The following TYMP variants were observed in gnomAD, a reference collection of about 807,000 sequenced individuals.
TYMP encodes gliostatin.
A neutral mutation model predicts 42.3 loss-of-function variants in TYMP; 46 were observed. The observed-to-expected ratio is 1.09, with a 90% CI of 0.86 to 1.39. The LOEUF (loss-of-function observed/expected upper bound fraction) is 1.39. TYMP is among the 40% of genes most tolerant of loss of function. The pLI is 0.00. For missense variants in TYMP, 837 were observed against 677.6 expected (o/e 1.24, Z -2.61); for synonymous variants, 363 against 308.0 (o/e 1.18, Z -1.87).
intron 6 of TYMP, 129 bp from the exon 7 acceptor site, chr22:50,526,867 G>A: frequency 1.0e-6 from 1 of 987,312 alleles, no homozygotes; most frequent in Non-Finnish European, 1.5e-6. Context: ...AAGGATTGGG[G>A]TGGGGAAGAG....
In TYMP at chr22:50,529,914, C is replaced by T. The variant is rs2069531183; in HGVS notation, c.-21G>A. 3 of 608,282 alleles carry T rather than the reference C, an allele frequency of 4.9e-6. No homozygotes were observed. The highest frequency in any genetic ancestry group is 3.0e-5 in the Admixed American group (1 of 33,826). 37.7% of individuals were successfully genotyped at this position (608,282 alleles called of 1,614,324 possible). Reference sequence around the variant, plus strand: ...GAGCCCCGCCCGTACCTGCTTAGGGCGCTGCCCTCGCCCGCTTGCTCCGGA... The same window carrying T: ...GAGCCCCGCCCGTACCTGCTTAGGGTGCTGCCCTCGCCCGCTTGCTCCGGA... On this transcript the variant is annotated 5_prime_UTR_variant, in exon 1 of 10. Transcript: ENST00000252029.
intron 7 of TYMP, 44 bp from the exon 8 acceptor site, chr22:50,526,520 C>T: frequency 6.5e-7 from 1 of 1,535,416 alleles, no homozygotes; most frequent in Non-Finnish European, 8.7e-7. Flanking sequence ...GTCGGGGCGG[C>T]CCCAGCGGGA....
chr22:50,528,973 G>A (rs1228840889), intron 3 of TYMP, 163 bp downstream of exon 3: 1 of 791,748 alleles, frequency 1.3e-6, no homozygotes, highest in Non-Finnish European at 2.1e-6. Flanking sequence ...CGCTGTGCTG[G>A]GGAACGGGGT....
intron 5 of TYMP, 72 bp from the exon 6 acceptor site, chr22:50,527,355 A>C: frequency 7.2e-7 from 1 of 1,396,956 alleles, no homozygotes; most frequent in Non-Finnish European, 1.0e-6. Context: ...GGGGATGCCG[A>C]CTTTGGGGTC....
chr22:50,527,147 A>G lies in TYMP; in HGVS notation c.765+18T>C, dbSNP rs1418726777. 5.6e-6 allele frequency: 9 copies of G among 1,600,858 alleles called. No homozygotes were observed. Among genetic ancestry groups the G allele is most frequent in the Non-Finnish European group, 7.7e-6 (9 of 1,170,104 alleles). On this transcript the variant is annotated intron_variant, in intron 6 of 9. Transcript: ENST00000252029. ...CCCGCATCAAGACGCTTGCCCAGGG[A>G]AAGGCCACACCGCTCACCAGCGTCT...
rs558294384 is a variant in TYMP at position 50,526,837 on chromosome 22, C to T, written c.766-99G>A. 6 of 1,282,276 alleles carry T rather than the reference C, an allele frequency of 4.7e-6. No individual in the cohort carries two copies. The Admixed American group carries it at 6.9e-5, about 15-fold the overall frequency. The allele number at this position is 1,282,276 out of a possible 1,614,324, so 79.4% of individuals were successfully genotyped here. A position where few individuals can be genotyped will look rare whatever the true frequency, so the allele number is the denominator to read the frequency against. Reference sequence around the variant, plus strand: ...CCCTGCTGCACCCTGGGTTGCCAGCCCCCCAGCATGAAGTCAGGGAAGGAT... The same window carrying T: ...CCCTGCTGCACCCTGGGTTGCCAGCTCCCCAGCATGAAGTCAGGGAAGGAT... On this transcript the variant is annotated intron_variant, in intron 6 of 9. Coordinates refer to ENST00000252029, the MANE Select transcript of TYMP (RefSeq NM_001953.5).
intron 3 of TYMP, 66 bp downstream of exon 3, chr22:50,529,070 C>A: frequency 6.5e-7 from 1 of 1,545,798 alleles, no homozygotes. Context: ...TGGGAGCTGC[C>A]TGTGGATGGA....
Position 50,528,583 on chromosome 22 carries a change from C to G in TYMP, c.445G>C (p.Gly149Arg). ...TTATCCAAGGTGCCTCCTGTGTGCC[C>G]CAGACCACGTCCGCTGATCATTGGC... ...KVPMISGRGL[G>R]HTGGTLDKLE... Residue 149 changes from glycine (G) to arginine (R), a missense_variant, in exon 4 of 10, where the codon GGG becomes CGG. Gly to Arg is a moderately radical substitution (Grantham distance 125). Transcript: ENST00000252029. 2 of 1,613,830 alleles carry G rather than the reference C, an allele frequency of 1.2e-6. No homozygotes were observed. The highest frequency in any genetic ancestry group is 1.7e-6 in the Non-Finnish European group (2 of 1,179,982).
At position 50,526,109 on chromosome 22, in the gene TYMP, C is replaced by G. The variant is rs1189525116; in HGVS notation, c.1192G>C (p.Ala398Pro). 1.3e-6 allele frequency: 2 copies of G among 1,489,242 alleles called. No homozygotes were observed. Among genetic ancestry groups the G allele is most frequent in the Admixed American group, 2.2e-5 (1 of 45,082 alleles). 92.3% of individuals were successfully genotyped at this position (1,489,242 alleles called of 1,614,324 possible). A position where few individuals can be genotyped will look rare whatever the true frequency, so the allele number is the denominator to read the frequency against. Residue 398 changes from alanine (A) to proline (P), a missense_variant, in exon 9 of 10, where the codon GCG becomes CCG. Coordinates refer to ENST00000252029, the MANE Select transcript of TYMP (RefSeq NM_001953.5). ...GCCCCGAGCTCGTGCAGCACCAGCG[C>G]CAGCGGCAGCGCCCGGACCAGCTCC... ...TVELVRALPL[A>P]LVLHELGAGR... is the part of the protein sequence containing the mutation.
At position 50,526,111 on chromosome 22, in the gene TYMP, A is replaced by C; in HGVS notation, c.1190T>G (p.Leu397Arg). 6.7e-7 allele frequency: 1 copy of C among 1,489,170 alleles called. No individual in the cohort carries two copies. The highest frequency in any genetic ancestry group is 8.9e-7 in the Non-Finnish European group (1 of 1,127,642). 92.2% of individuals were successfully genotyped at this position (1,489,170 alleles called of 1,614,324 possible). Residue 397 changes from leucine (L) to arginine (R), a missense_variant, in exon 9 of 10, where the codon CTG becomes CGG. Coordinates refer to ENST00000252029, the MANE Select transcript of TYMP (RefSeq NM_001953.5). ...CCCGAGCTCGTGCAGCACCAGCGCC[A>C]GCGGCAGCGCCCGGACCAGCTCCAC... ...GTVELVRALP[L>R]ALVLHELGAG... is the part of the protein sequence containing the mutation.
chr22:50,525,916 T>A lies in TYMP; in HGVS notation c.1303A>T (p.Thr435Ser). 3 of 1,526,194 alleles carry A rather than the reference T, an allele frequency of 2.0e-6. No individual in the cohort carries two copies. The highest frequency in any genetic ancestry group is 2.6e-6 in the Non-Finnish European group (3 of 1,139,352). 94.5% of individuals were successfully genotyped at this position (1,526,194 alleles called of 1,614,324 possible). A position where few individuals can be genotyped will look rare whatever the true frequency, so the allele number is the denominator to read the frequency against. ...TCCCGGTGCACGCGGAGCCAGGGGG[T>A]CCCTGCAGAGCGAGGGGCTGTTAGA... Reference protein sequence around the residue: ...VDVGQRLRRGTPWLRVHRDGP... With the variant: ...VDVGQRLRRGSPWLRVHRDGP... The change falls in exon 10 of 10, where the codon ACC becomes TCC. Residue 435 changes from threonine (T) to serine (S), a missense_variant and splice_region_variant. Transcript: ENST00000252029.
At position 50,527,155 on chromosome 22, in the gene TYMP, C is replaced by T. The variant is rs1160264382; in HGVS notation, c.765+10G>A. 6.2e-7 allele frequency: 1 copy of T among 1,609,424 alleles called. No individual in the cohort carries two copies. The highest frequency in any genetic ancestry group is 8.5e-7 in the Non-Finnish European group (1 of 1,177,562). ...AAGACGCTTGCCCAGGGAAAGGCCA[C>T]ACCGCTCACCAGCGTCTTTGCCAGC... is the stretch of plus-strand genomic sequence containing the variant. On this transcript the variant is annotated intron_variant, in intron 6 of 9. Transcript: ENST00000252029.
intron 6 of TYMP, 52 bp from the exon 7 acceptor site, chr22:50,526,790 C>T (rs934845721): frequency 1.7e-5 from 26 of 1,521,208 alleles, no homozygotes; most frequent in Non-Finnish European, 2.3e-5. Context: ...CTTCTGCAGC[C>T]GGTTCTTGGT....
rs893852385 is a variant in TYMP at position 50,525,813 on chromosome 22, G to T, written c.1406C>A (p.Ala469Asp). 1 of 1,610,434 alleles carries T rather than the reference G, an allele frequency of 6.2e-7. No individual in the cohort carries two copies. Among genetic ancestry groups the T allele is most frequent in the Non-Finnish European group, 8.5e-7 (1 of 1,178,914 alleles). ...LVLSDRAPFA[A>D]PSPFAELVLP... The stretch of plus-strand genomic sequence containing the variant: ...AACGAGCTCTGCGAAGGGCGAGGGG[G>T]CGGCGAATGGCGCGCGGTCGGAGAG... The change falls in exon 10 of 10, where the codon GCC (alanine) becomes GAC (aspartate). Residue 469 changes from alanine (A) to aspartate (D), a missense_variant. By Grantham distance (126) the Ala-to-Asp change is moderately radical. Coordinates refer to ENST00000252029, the MANE Select transcript of TYMP (RefSeq NM_001953.5).
At chr22:50,527,105 G>C in intron 6 of TYMP, 60 bp downstream of exon 6, 2 of 1,378,186 alleles carry the variant, frequency 1.5e-6, no homozygotes, top group South Asian at 1.2e-5. Flanking sequence ...GACGGGAGGG[G>C]TGAAGGGTAG....
intron 7 of TYMP, 36 bp from the exon 8 acceptor site, chr22:50,526,512 C>CGGGGCGGCCCCAGCGG: frequency 1.3e-6 from 2 of 1,528,472 alleles, no homozygotes; most frequent in Non-Finnish European, 1.8e-6. Flanking sequence ...GCGGCCGGGT[C>CGGGGCGGCCCCAGCGG]GGGGCGGCCC....
chr22:50,528,645 A>G, intron 3 of TYMP, 35 bp from the exon 4 acceptor site: 1 of 1,517,280 alleles, frequency 6.6e-7, no homozygotes, highest in Non-Finnish European at 9.1e-7. Context: ...CCTGCACAGT[A>G]CCCCTCCCCC....
chr22:50,526,302 C>T lies in TYMP; in HGVS notation c.1103G>A (p.Arg368His). Residue 368 changes from arginine (R) to histidine (H), a missense_variant, in exon 8 of 10, where the codon CGC becomes CAC. Coordinates refer to ENST00000252029, the MANE Select transcript of TYMP (RefSeq NM_001953.5). ...RALCSGSPAERRQLLPRAREQ... is the reference protein window; with the variant it reads ...RALCSGSPAEHRQLLPRAREQ... ...CCGGGCGCGAGGCAGCAGCTGCCGG[C>T]GTTCTGCGGGACTTCCCGAGCACAG... 1 of 1,556,874 alleles carries T rather than the reference C, an allele frequency of 6.4e-7. No homozygotes were observed. Among genetic ancestry groups the T allele is most frequent in the Non-Finnish European group, 8.6e-7 (1 of 1,161,872 alleles).
chr22:50,529,372 C>T lies in TYMP; in HGVS notation c.215-34G>A, dbSNP rs200381221. 30 of 1,611,172 alleles carry T rather than the reference C, an allele frequency of 1.9e-5. No homozygotes were observed. The Admixed American group carries it at 3.0e-4, about 16-fold the overall frequency. ...TGGGGGTACGCGTGAGGGTGGCAGC[C>T]CACAGCGGTGGGGCACCCTGGGGCC... On this transcript the variant is annotated intron_variant, in intron 2 of 9. Transcript: ENST00000252029.
Sources: gnomAD v4.1 joint callset for allele counts on GRCh38, gnomAD v4.1.1 for gene constraint, MANE v1.5 for transcripts, NCBI Gene and HGNC (gene_info 2026-07-23, HGNC 2026-07-21) for gene names.